The following ADCY5 variants were observed in gnomAD, a reference collection of about 807,000 sequenced individuals.
The protein encoded by ADCY5 is adenylate cyclase type 5.
ADCY5 carries 30 observed loss-of-function variants against 119.7 expected under a neutral mutation model. The observed-to-expected ratio is 0.25, with a 90% CI of 0.19 to 0.34. The LOEUF is 0.34. ADCY5 is among the 10% of genes least tolerant of loss of function. The probability of loss-of-function intolerance (pLI) is 1.00; values close to 1 mark genes in which losing one functional copy is unlikely to be tolerated. For synonymous variants in ADCY5, 753 were observed against 762.2 expected (o/e 0.99, Z 0.20); for missense variants, 1,324 against 1,775.2 (o/e 0.75, Z 4.57).
rs1941808968 is a variant in ADCY5 at position 123,332,447 on chromosome 3, CA to C, written c.1518+116del. On this transcript the variant is annotated intron_variant, in intron 4 of 20. Transcript: ENST00000462833. ...CTGCCCATCACCAGCAGGCTCTGCT[CA>C]GCAGGATATACCCAGGCACATGCCC... is the stretch of plus-strand genomic sequence containing the variant. The C allele has an allele frequency of 4.0e-6, 3 of 758,314 alleles. No homozygotes were observed. In the African/African-American group the frequency reaches 5.2e-5, roughly 13 times the overall value. The allele number at this position is 758,314 out of a possible 1,614,324, so 47.0% of individuals were successfully genotyped here.
rs992603231 is a variant in ADCY5, at chr3:123,290,567, G to A, written c.3327+546C>T. On this transcript the variant is annotated intron_variant, in intron 18 of 20. Coordinates refer to ENST00000462833, the MANE Select transcript of ADCY5 (RefSeq NM_183357.3). ...CTCTGCATCCCCAGTGCCTCCACAC[G>A]CCAGGTGCTCAACCAGAGTATGAGA... is the stretch of plus-strand genomic sequence containing the variant. Among the ~76,000 whole-genome samples the A allele has an allele frequency of 2.6e-5, 4 of 152,206 alleles. No homozygotes were observed. The East Asian group carries it at 5.8e-4, about 22-fold the overall frequency.
intron 12 of ADCY5, among the ~76,000 whole-genome samples, chr3:123,313,864 C>T (rs1940730022): frequency 6.6e-6 from 1 of 152,206 alleles, no homozygotes; most frequent in African/African-American, 2.4e-5. Context: ...CGAGAGAGAC[C>T]TCCTCCACAC....
chr3:123,363,534 G>A (rs1466310766), intron 1 of ADCY5, among the ~76,000 whole-genome samples: 1 of 152,162 alleles, frequency 6.6e-6, no homozygotes. Context: ...GCTTGAACAG[G>A]GCTTTATGTC....
rs1321802625 is a variant in ADCY5, at chr3:123,448,659, G to C, written c.-114C>G. ...ACCAGGCTAGGGTCACACGTCGGGG[G>C]CGGCCCGGGGCCCTGCGCTGCAGCG... is the stretch of plus-strand genomic sequence containing the variant. On this transcript the variant is annotated 5_prime_UTR_variant, in exon 1 of 21. Transcript: ENST00000462833. The C allele has an allele frequency of 1.0e-6, 1 of 991,986 alleles. No homozygotes were observed. The highest frequency in any genetic ancestry group is 1.7e-5 in the African/African-American group (1 of 59,668). 61.4% of individuals were successfully genotyped at this position (991,986 alleles called of 1,614,324 possible). A position where few individuals can be genotyped will look rare whatever the true frequency, so the allele number is the denominator to read the frequency against.
chr3:123,359,998 C>T (rs920966565), intron 1 of ADCY5, among the ~76,000 whole-genome samples: 3 of 151,516 alleles, frequency 2.0e-5, no homozygotes, highest in Non-Finnish European at 4.4e-5. Flanking sequence ...AAATTATATA[C>T]TCTTAGAAGG....
At position 123,406,739 on chromosome 3, in the gene ADCY5, C is replaced by T. The variant is rs72966551; in HGVS notation, c.1134+40673G>A. 3.1e-3 allele frequency among the ~76,000 whole-genome samples: 473 copies of T among 152,220 alleles called. 4 individuals carry two copies. Among genetic ancestry groups the T allele is most frequent in the African/African-American group, 0.011 (452 of 41,526 alleles). On this transcript the variant is annotated intron_variant, in intron 1 of 20. Coordinates refer to ENST00000462833, the MANE Select transcript of ADCY5 (RefSeq NM_183357.3). ...TGATGGGAGGGACAAGGACGCTTGG[C>T]CGACCGGGGTTGAGCAAGTCTGCAC...
At chr3:123,425,235 G>A (rs565884380) in intron 1 of ADCY5, among the ~76,000 whole-genome samples, 2 of 152,306 alleles carry the variant, frequency 1.3e-5, no homozygotes, top group Non-Finnish European at 2.9e-5. Context: ...GGAATGTTCT[G>A]GACATCATTA....
chr3:123,284,379 G>GAAAC lies in ADCY5; in HGVS notation c.*225_*228dup. On this transcript the variant is annotated 3_prime_UTR_variant, in exon 21 of 21. Coordinates refer to ENST00000462833, the MANE Select transcript of ADCY5 (RefSeq NM_183357.3). ...AGTCTAGCAGAGTCTTCTACAGAGG[G>GAAAC]AAACATCTTTGGTCAGCTGGGTGCT... 2 of 593,624 alleles carry GAAAC rather than the reference G, an allele frequency of 3.4e-6. No individual in the cohort carries two copies. Among genetic ancestry groups the GAAAC allele is most frequent in the East Asian group, 6.0e-5 (2 of 33,198 alleles). 36.8% of individuals were successfully genotyped at this position (593,624 alleles called of 1,614,324 possible).
At chr3:123,390,632 G>T (rs1275534264) in intron 1 of ADCY5, among the ~76,000 whole-genome samples, 1 of 152,250 alleles carries the variant, frequency 6.6e-6, no homozygotes, top group East Asian at 1.9e-4. Context: ...ATGGAGTAAA[G>T]ACAGAGGGCT....
intron 1 of ADCY5, among the ~76,000 whole-genome samples, chr3:123,447,192 G>T (rs766752334): frequency 6.6e-5 from 10 of 152,208 alleles, no homozygotes; most frequent in Non-Finnish European, 1.2e-4. Flanking sequence ...TATCTAAGGG[G>T]CAAGGAACAC....
chr3:123,292,745 T>G (rs1352704608), intron 17 of ADCY5, among the ~76,000 whole-genome samples: 14 of 152,078 alleles, frequency 9.2e-5, no homozygotes, highest in African/African-American at 1.9e-4. Flanking sequence ...TCCCTGTGCT[T>G]CTTCTCACAG....
At chr3:123,313,111 GC>G (rs1284763269) in intron 12 of ADCY5, among the ~76,000 whole-genome samples, 8 of 148,038 alleles carry the variant, frequency 5.4e-5, no homozygotes, top group Admixed American at 5.3e-4. Flanking sequence ...TCTCACACGT[GC>G]CCAATGGCTC....
intron 1 of ADCY5, among the ~76,000 whole-genome samples, chr3:123,354,097 C>T (rs563353091): frequency 3.9e-5 from 6 of 152,318 alleles, no homozygotes; most frequent in Middle Eastern, 3.4e-3. Context: ...ACCCCATCTA[C>T]GCTAGCATCC....
At chr3:123,317,272 G>A (rs1420202261) in intron 11 of ADCY5, among the ~76,000 whole-genome samples, 1 of 151,478 alleles carries the variant, frequency 6.6e-6, no homozygotes, top group African/African-American at 2.4e-5. Context: ...AATACCTCCA[G>A]AACTTGAAAT....
intron 1 of ADCY5, among the ~76,000 whole-genome samples, chr3:123,406,720 G>A (rs1054700055): frequency 6.6e-6 from 1 of 152,172 alleles, no homozygotes; most frequent in African/African-American, 2.4e-5. Flanking sequence ...GTAATGATGG[G>A]AGGGACAAGG....
chr3:123,328,108 C>G (rs1453536446), intron 6 of ADCY5, among the ~76,000 whole-genome samples: 2 of 152,022 alleles, frequency 1.3e-5, no homozygotes, highest in Non-Finnish European at 2.9e-5. Flanking sequence ...AGTCCAAATT[C>G]ACGAGCCTGG....
intron 2 of ADCY5, among the ~76,000 whole-genome samples, chr3:123,351,937 C>T (rs990602486): frequency 6.6e-6 from 1 of 152,174 alleles, no homozygotes; most frequent in Admixed American, 6.5e-5. Context: ...ACCACCAAAC[C>T]CCAGAACTCA....
At chr3:123,417,427 G>C (rs1945211627) in intron 1 of ADCY5, among the ~76,000 whole-genome samples, 1 of 152,248 alleles carries the variant, frequency 6.6e-6, no homozygotes. Flanking sequence ...TGGACAGACA[G>C]GTCCCCAGAG....
At chr3:123,328,892 G>A (rs1373408358) in intron 5 of ADCY5, 90 bp from the exon 6 acceptor site, 10 of 1,347,048 alleles carry the variant, frequency 7.4e-6, no homozygotes, top group Non-Finnish European at 1.0e-5. Context: ...GAAGGTGAAG[G>A]TGCGGGGGTC....
Sources: allele counts gnomAD v4.1 joint callset (sites outside exome capture counted in the v4.1 genomes callset), GRCh38; gene constraint gnomAD v4.1.1; transcripts MANE v1.5; gene names NCBI Gene and HGNC (gene_info 2026-07-23, HGNC 2026-07-21).